NPAS3: variants seen among roughly 807,000 people sequenced by gnomAD.
The protein encoded by NPAS3 is neuronal PAS domain-containing protein 3.
NPAS3 carries 14 observed loss-of-function variants against 73.1 expected under a neutral mutation model. That is an observed-to-expected ratio of 0.19 (90% CI 0.13 to 0.30). The LOEUF (loss-of-function observed/expected upper bound fraction) is 0.30, where lower values mean the gene tolerates loss of function less well. Among genes scored for constraint, NPAS3 ranks in the 10% least tolerant of loss-of-function variants. NPAS3 has a pLI of 1.00. For missense variants in NPAS3, 1,096 were observed against 1,250.0 expected (o/e 0.88, Z 1.86); for synonymous variants, 620 against 541.5 (o/e 1.14, Z -2.01).
chr14:33,066,124 C>T (rs2041270159), intron 2 of NPAS3, among the ~76,000 whole-genome samples: 1 of 152,154 alleles, frequency 6.6e-6, no homozygotes, highest in African/African-American at 2.4e-5. Flanking sequence ...ACTCCCTTAA[C>T]TGCCTGATGG....
intron 1 of NPAS3, among the ~76,000 whole-genome samples, chr14:33,048,201 A>T (rs2040576632): frequency 6.6e-6 from 1 of 152,230 alleles, no homozygotes; most frequent in African/African-American, 2.4e-5. Context: ...GCTACTGTGC[A>T]GATCATTTTG....
intron 5 of NPAS3, among the ~76,000 whole-genome samples, chr14:33,662,557 G>A (rs914047586): frequency 2.7e-4 from 41 of 152,246 alleles, no homozygotes; most frequent in African/African-American, 7.7e-4. Context: ...CCATTTTCAC[G>A]ATATTGATTC....
chr14:33,406,239 C>T (rs1176021489), intron 4 of NPAS3, among the ~76,000 whole-genome samples: 1 of 152,058 alleles, frequency 6.6e-6, no homozygotes, highest in Admixed American at 6.6e-5. Context: ...GAATATTTAG[C>T]CATGCCCTGT....
chr14:33,781,153 C>T (rs185877776), intron 9 of NPAS3, among the ~76,000 whole-genome samples: 11 of 152,200 alleles, frequency 7.2e-5, no homozygotes, highest in Admixed American at 7.2e-4. Flanking sequence ...GTGTTTTGAT[C>T]CTGAAGAAGT....
At chr14:33,460,178 A>G (rs891974025) in intron 4 of NPAS3, among the ~76,000 whole-genome samples, 3 of 152,186 alleles carry the variant, frequency 2.0e-5, no homozygotes, top group African/African-American at 7.2e-5. Context: ...AACATTGGCA[A>G]TGAAAAAAAG....
At chr14:33,635,226 G>T (rs1379550124) in intron 5 of NPAS3, among the ~76,000 whole-genome samples, 1 of 152,182 alleles carries the variant, frequency 6.6e-6, no homozygotes, top group Non-Finnish European at 1.5e-5. Flanking sequence ...GTAGGAAGAG[G>T]CCTGGGATAT....
At chr14:33,414,781 G>C (rs901509188) in intron 4 of NPAS3, among the ~76,000 whole-genome samples, 15 of 152,136 alleles carry the variant, frequency 9.9e-5, no homozygotes, top group African/African-American at 3.4e-4. Context: ...CTAGTGGTGG[G>C]TAGGGTGGTT....
chr14:33,458,663 A>G (rs1254370245), intron 4 of NPAS3, among the ~76,000 whole-genome samples: 1 of 152,248 alleles, frequency 6.6e-6, no homozygotes, highest in Non-Finnish European at 1.5e-5. Flanking sequence ...TGTGCTGTCT[A>G]TCGTTCTTCA....
chr14:33,788,314 C>T (rs576339651), intron 9 of NPAS3, among the ~76,000 whole-genome samples: 10 of 152,302 alleles, frequency 6.6e-5, no homozygotes, highest in African/African-American at 2.4e-4. Flanking sequence ...GCCACAGATG[C>T]GTCCTCCTAT....
intron 5 of NPAS3, among the ~76,000 whole-genome samples, chr14:33,672,569 A>C (rs894157136): frequency 1.3e-5 from 2 of 152,156 alleles, no homozygotes; most frequent in African/African-American, 4.8e-5. Flanking sequence ...CCTGAAGCTA[A>C]CATGAAGTAA....
At chr14:33,142,618 T>C (rs1017534525) in intron 2 of NPAS3, among the ~76,000 whole-genome samples, 4 of 152,222 alleles carry the variant, frequency 2.6e-5, no homozygotes, top group East Asian at 1.9e-4. Context: ...TCTTGACATA[T>C]TGGTTTCTCC....
intron 2 of NPAS3, among the ~76,000 whole-genome samples, chr14:33,210,998 G>A (rs2047012470): frequency 6.6e-6 from 1 of 152,138 alleles, no homozygotes. Flanking sequence ...GAGCATTGCA[G>A]GCATTAGAAG....
intron 4 of NPAS3, among the ~76,000 whole-genome samples, chr14:33,483,951 A>G (rs890672868): frequency 1.4e-4 from 21 of 152,140 alleles, no homozygotes; most frequent in African/African-American, 4.8e-4. Flanking sequence ...TCCAAATTCC[A>G]CTATGCAATT....
At chr14:33,418,339 G>T (rs939058791) in intron 4 of NPAS3, among the ~76,000 whole-genome samples, 2 of 151,990 alleles carry the variant, frequency 1.3e-5, no homozygotes, top group African/African-American at 4.8e-5. Context: ...AAAGAAACCC[G>T]AGTTTGCCAT....
intron 3 of NPAS3, among the ~76,000 whole-genome samples, chr14:33,329,762 T>C (rs912171641): frequency 3.3e-5 from 5 of 151,864 alleles, no homozygotes; most frequent in African/African-American, 9.7e-5. Context: ...ATAATAAACT[T>C]TTAGTAAGTA....
intron 2 of NPAS3, among the ~76,000 whole-genome samples, chr14:33,174,139 C>T (rs957054415): frequency 6.6e-6 from 1 of 152,128 alleles, no homozygotes; most frequent in Non-Finnish European, 1.5e-5. Context: ...AGTCTATAAG[C>T]CCTGGAGTAC....
intron 2 of NPAS3, chr14:33,213,670 G>A (rs979999948): frequency 2.6e-5 from 4 of 152,174 alleles, no homozygotes; most frequent in African/African-American, 9.7e-5. Flanking sequence ...GATGTATCAA[G>A]GGGCAAAGAT....
intron 3 of NPAS3, among the ~76,000 whole-genome samples, chr14:33,228,661 T>C (rs186005256): frequency 2.6e-5 from 4 of 152,236 alleles, no homozygotes; most frequent in African/African-American, 7.2e-5. Flanking sequence ...CTAGGCTCTC[T>C]GGGGGATGCA....
chr14:33,108,761 G>A (rs1168497503), intron 2 of NPAS3, among the ~76,000 whole-genome samples: 1 of 151,870 alleles, frequency 6.6e-6, no homozygotes, highest in Non-Finnish European at 1.5e-5. Flanking sequence ...CCTTTTTTAG[G>A]GTCACTAAAA....
Sources: gnomAD v4.1 joint callset for allele counts (sites outside exome capture counted in the v4.1 genomes callset) on GRCh38, gnomAD v4.1.1 for gene constraint, MANE v1.5 for transcripts, NCBI Gene and HGNC (gene_info 2026-07-23, HGNC 2026-07-21) for gene names.